The following FBXO21 variants were observed in gnomAD, a reference collection of about 807,000 sequenced individuals.
FBXO21 encodes F-box only protein 21.
FBXO21 carries 32 observed loss-of-function variants against 76.6 expected under a neutral mutation model. The observed-to-expected ratio is 0.42, with a 90% CI of 0.32 to 0.56. The LOEUF is 0.56. Among genes scored for constraint, FBXO21 ranks in the 20% least tolerant of loss-of-function variants. FBXO21 has a pLI of 0.16. For missense variants in FBXO21, 586 were observed against 797.3 expected, an observed-to-expected ratio of 0.73 and a Z score of 3.19; for synonymous variants, 328 against 311.5, an observed-to-expected ratio of 1.05 and a Z score of -0.56.
Position 117,143,400 on chromosome 12 carries a change from G to A in FBXO21, c.*2687C>T, listed in dbSNP as rs1323983904. The A allele has an allele frequency of 1.3e-5, 2 of 152,114 alleles. No individual in the cohort carries two copies. The highest frequency in any genetic ancestry group is 4.8e-5 in the African/African-American group (2 of 41,424). 9.4% of individuals were successfully genotyped at this position (152,114 alleles called of 1,614,324 possible). ...CACATAGTAGGTAGTAACATCACAC[G>A]GAAACAGTGCTCTGAAGACATTCTG... On this transcript the variant is annotated 3_prime_UTR_variant, in exon 12 of 12. Coordinates refer to ENST00000622495, the MANE Select transcript of FBXO21 (RefSeq NM_015002.3).
At chr12:117,176,526 T>C (rs886637647) in intron 4 of FBXO21, among the ~76,000 whole-genome samples, 2 of 152,290 alleles carry the variant, frequency 1.3e-5, no homozygotes, top group South Asian at 4.1e-4. Context: ...GTTGTCCACA[T>C]TGCAGGTTTC....
At chr12:117,175,063 C>T (rs1182905533) in intron 4 of FBXO21, among the ~76,000 whole-genome samples, 6 of 152,102 alleles carry the variant, frequency 3.9e-5, no homozygotes, top group Non-Finnish European at 2.9e-5. Flanking sequence ...TGGTATATGG[C>T]GCAGTTTCAT....
At chr12:117,174,446 A>T in intron 5 of FBXO21, 105 bp from the exon 6 acceptor site, 2 of 1,347,020 alleles carry the variant, frequency 1.5e-6, no homozygotes, top group South Asian at 1.2e-5. Context: ...TAACAATATT[A>T]ATCAAGTGTT....
chr12:117,161,166 C>G (rs1024410919), intron 9 of FBXO21, among the ~76,000 whole-genome samples: 1 of 151,958 alleles, frequency 6.6e-6, no homozygotes, highest in African/African-American at 2.4e-5. Flanking sequence ...CACACAGGAA[C>G]CAGGGAAGGG....
At chr12:117,169,066 A>G (rs1956090454) in intron 7 of FBXO21, among the ~76,000 whole-genome samples, 1 of 152,264 alleles carries the variant, frequency 6.6e-6, no homozygotes, top group South Asian at 2.1e-4. Context: ...AAGACCTGGA[A>G]TCAACCTAAA....
chr12:117,177,546 GGCT>G lies in FBXO21; in HGVS notation c.563_565del (p.Gln188del). ...TTCAAGATACGACTCATAGTCATCT[GGCT>G]GCTGAAGAAAGGCCTTAAGATTATT... On this transcript the variant is annotated inframe_deletion, in exon 4 of 12. Coordinates refer to ENST00000622495, the MANE Select transcript of FBXO21 (RefSeq NM_015002.3). 1 of 1,613,660 alleles carries G rather than the reference GGCT, an allele frequency of 6.2e-7. No individual in the cohort carries two copies. The highest frequency in any genetic ancestry group is 8.5e-7 in the Non-Finnish European group (1 of 1,179,732).
chr12:117,169,682 T>A (rs1157021464), intron 7 of FBXO21, among the ~76,000 whole-genome samples: 1 of 152,180 alleles, frequency 6.6e-6, no homozygotes, highest in Admixed American at 6.5e-5. Context: ...ATTTTGGTTT[T>A]CTTTTTCTGA....
At chr12:117,158,465 C>T (rs569944715) in intron 9 of FBXO21, among the ~76,000 whole-genome samples, 2 of 152,230 alleles carry the variant, frequency 1.3e-5, no homozygotes, top group South Asian at 2.1e-4. Context: ...TGAGAATCCA[C>T]GTTTTTTCAA....
At chr12:117,160,559 T>C (rs1955965777) in intron 9 of FBXO21, among the ~76,000 whole-genome samples, 3 of 152,336 alleles carry the variant, frequency 2.0e-5, no homozygotes, top group Admixed American at 6.5e-5. Flanking sequence ...CAGAGTGGCA[T>C]AAACTGCCCC....
chr12:117,145,008 C>CT lies in FBXO21; in HGVS notation c.*1078dup, dbSNP rs1440862955. On this transcript the variant is annotated 3_prime_UTR_variant, in exon 12 of 12. Coordinates refer to ENST00000622495, the MANE Select transcript of FBXO21 (RefSeq NM_015002.3). The stretch of plus-strand genomic sequence containing the variant: ...TCTAACCTGCCACATTCAAACAGGC[C>CT]TTGAAGTGACTCTAAGGAATAACAA... 6.6e-6 allele frequency: 1 copy of CT among 151,682 alleles called. No individual in the cohort carries two copies. The highest frequency in any genetic ancestry group is 6.6e-5 in the Admixed American group (1 of 15,186). 9.4% of individuals were successfully genotyped at this position (151,682 alleles called of 1,614,324 possible).
intron 3 of FBXO21, among the ~76,000 whole-genome samples, chr12:117,182,568 T>TTTTTC (rs1252685063): frequency 7.4e-6 from 1 of 135,824 alleles, no homozygotes; most frequent in East Asian, 2.2e-4. Flanking sequence ...GAGGATCTTT[T>TTTTTC]TTTTTTTTTT....
chr12:117,158,101 T>G, intron 9 of FBXO21, 38 bp from the exon 10 acceptor site: 1 of 1,612,150 alleles, frequency 6.2e-7, no homozygotes, highest in South Asian at 1.1e-5. Context: ...GATAATATTT[T>G]CAGCTAGGCC....
At chr12:117,171,071 G>A (rs1326817718) in intron 7 of FBXO21, among the ~76,000 whole-genome samples, 1 of 152,088 alleles carries the variant, frequency 6.6e-6, no homozygotes, top group Non-Finnish European at 1.5e-5. Context: ...CATTTGCATG[G>A]AAATAAACAC....
intron 7 of FBXO21, 108 bp downstream of exon 7, chr12:117,172,363 T>A: frequency 7.8e-7 from 1 of 1,282,318 alleles, no homozygotes; most frequent in Non-Finnish European, 1.1e-6. Context: ...CCTAGTCCTA[T>A]TTTTAACCTG....
At chr12:117,159,195 T>C (rs1175163569) in intron 9 of FBXO21, among the ~76,000 whole-genome samples, 1 of 152,208 alleles carries the variant, frequency 6.6e-6, no homozygotes, top group Admixed American at 6.5e-5. Flanking sequence ...CAACATTTAC[T>C]GAACACTATT....
intron 11 of FBXO21, chr12:117,155,557 G>A (rs1220650740): frequency 5.1e-6 from 3 of 589,846 alleles, no homozygotes; most frequent in Non-Finnish European, 9.1e-6. Flanking sequence ...TCCGGGCTGT[G>A]GGAGCGGAGG....
In FBXO21 at chr12:117,145,863, T is replaced by C. The variant is rs1429109379; in HGVS notation, c.*224A>G. On this transcript the variant is annotated 3_prime_UTR_variant, in exon 12 of 12. Coordinates refer to ENST00000622495, the MANE Select transcript of FBXO21 (RefSeq NM_015002.3). ...CATACAAGCCATGCCACTGACACAG[T>C]GCCTTTCAGATTAATTCACTAGTGT... 9.8e-6 allele frequency: 4 copies of C among 406,760 alleles called. No individual in the cohort carries two copies. The highest frequency in any genetic ancestry group is 8.7e-6 in the Non-Finnish European group (2 of 229,174). 25.2% of individuals were successfully genotyped at this position (406,760 alleles called of 1,614,324 possible). A position where few individuals can be genotyped will look rare whatever the true frequency, so the allele number is the denominator to read the frequency against.
intron 4 of FBXO21, among the ~76,000 whole-genome samples, chr12:117,177,043 T>C (rs902165570): frequency 2.6e-4 from 39 of 152,230 alleles, no homozygotes; most frequent in African/African-American, 8.7e-4. Flanking sequence ...TCCCTTCATC[T>C]TGCCTGTCCA....
chr12:117,184,828 T>C (rs1208477466), intron 3 of FBXO21, among the ~76,000 whole-genome samples: 3 of 152,234 alleles, frequency 2.0e-5, no homozygotes, highest in Non-Finnish European at 4.4e-5. Context: ...TTTTGATGTT[T>C]TACCCGTTGA....
Sources: allele counts gnomAD v4.1 joint callset (sites outside exome capture counted in the v4.1 genomes callset), GRCh38; gene constraint gnomAD v4.1.1; transcripts MANE v1.5; gene names NCBI Gene and HGNC (gene_info 2026-07-23, HGNC 2026-07-21).